Variants in SAXO1 observed in about 807,000 individuals in gnomAD.
SAXO1 encodes the protein 4930500O09Rik.
In SAXO1, 21 loss-of-function variants were observed where a neutral mutation model predicts 17.5. The ratio of observed to expected loss-of-function variants is 1.20; its 90% CI spans 0.85 to 1.72. The LOEUF (loss-of-function observed/expected upper bound fraction) is 1.72, where lower values mean the gene tolerates loss of function less well. Ranked by LOEUF, SAXO1 falls within the 40% of genes most tolerant of loss-of-function variation. The pLI is 0.00. For synonymous variants in SAXO1, 274 were observed against 216.5 expected (o/e 1.27, Z -2.33); for missense variants, 843 against 596.0 (o/e 1.41, Z -4.32).
At chr9:19,003,655 A>G (rs956035791) in intron 1 of SAXO1, among the ~76,000 whole-genome samples, 4 of 152,210 alleles carry the variant, frequency 2.6e-5, no homozygotes, top group African/African-American at 9.6e-5. Context: ...AAGATTCCCT[A>G]TTTAATAAAT....
chr9:19,037,084 G>A (rs993461791), upstream of SAXO1, among the ~76,000 whole-genome samples: 2 of 152,184 alleles, frequency 1.3e-5, no homozygotes, highest in African/African-American at 4.8e-5. Flanking sequence ...GACTTGCATG[G>A]GGACTGTAAC....
At chr9:18,986,027 T>A (rs943882406) in intron 1 of SAXO1, among the ~76,000 whole-genome samples, 2 of 152,242 alleles carry the variant, frequency 1.3e-5, no homozygotes, top group African/African-American at 4.8e-5. Flanking sequence ...GGAATTTTTT[T>A]AAATATACTA....
In SAXO1 at chr9:18,941,823, GA is replaced by G; in HGVS notation, c.234del (p.His79ThrfsTer6). 6.2e-7 allele frequency: 1 copy of G among 1,614,190 alleles called. No homozygotes were observed. Among genetic ancestry groups the G allele is most frequent in the Non-Finnish European group, 8.5e-7 (1 of 1,180,032 alleles). Reference sequence around the variant, plus strand: ...TGGACCTTCACTGGTGCCACTTTGTGAGGCCCAAAATCTCTCCTGTAAGGAA... The same window carrying G: ...TGGACCTTCACTGGTGCCACTTTGTGGGCCCAAAATCTCTCCTGTAAGGAA... ...GLTTSRRDFG[P>X]HKVAPVKVHQ... On this transcript the variant is annotated frameshift_variant, in exon 3 of 4. Transcript: ENST00000380534. LOFTEE classifies it high-confidence loss of function.
chr9:18,988,761 T>C (rs1833692639), intron 1 of SAXO1, among the ~76,000 whole-genome samples: 1 of 152,180 alleles, frequency 6.6e-6, no homozygotes, highest in Admixed American at 6.5e-5. Context: ...AGTAACCACA[T>C]GTATGATTTA....
chr9:18,954,095 A>G (rs183585360), intron 1 of SAXO1, among the ~76,000 whole-genome samples: 1 of 152,280 alleles, frequency 6.6e-6, no homozygotes, highest in East Asian at 1.9e-4. Context: ...AGATGGATCC[A>G]TAGGCCGGGA....
chr9:18,955,520 T>C (rs1347175857), intron 1 of SAXO1, among the ~76,000 whole-genome samples: 3 of 152,218 alleles, frequency 2.0e-5, no homozygotes, highest in Non-Finnish European at 2.9e-5. Context: ...AAGTTTACTC[T>C]AAAAGTGTAG....
At chr9:18,942,456 A>G (rs1831609682) in intron 2 of SAXO1, among the ~76,000 whole-genome samples, 3 of 152,174 alleles carry the variant, frequency 2.0e-5, no homozygotes, top group Admixed American at 6.5e-5. Flanking sequence ...CTGCGGAGGT[A>G]TCTTCCTTTC....
At chr9:19,007,225 T>C (rs1834520052) in intron 1 of SAXO1, among the ~76,000 whole-genome samples, 1 of 151,384 alleles carries the variant, frequency 6.6e-6, no homozygotes, top group Non-Finnish European at 1.5e-5. Context: ...TGCACGCCTG[T>C]AGTCCCAGCT....
At chr9:19,048,962 A>C (rs1836286238) in intron 1 of SAXO1, among the ~76,000 whole-genome samples, 1 of 152,246 alleles carries the variant, frequency 6.6e-6, no homozygotes, top group Non-Finnish European at 1.5e-5. Flanking sequence ...TCGCTTGCCT[A>C]CAAGTCTCAC....
At chr9:18,966,325 G>C (rs1271151107) in intron 1 of SAXO1, among the ~76,000 whole-genome samples, 2 of 152,200 alleles carry the variant, frequency 1.3e-5, no homozygotes, top group Admixed American at 6.5e-5. Flanking sequence ...ATTATATCCT[G>C]AAAAGTGTTT....
At chr9:18,929,714 G>A (rs1407585928) in intron 3 of SAXO1, among the ~76,000 whole-genome samples, 1 of 152,188 alleles carries the variant, frequency 6.6e-6, no homozygotes, top group Non-Finnish European at 1.5e-5. Flanking sequence ...TCTTCAGACT[G>A]TCCTAATAAG....
chr9:18,957,967 T>G (rs1327238506), intron 1 of SAXO1, among the ~76,000 whole-genome samples: 2 of 152,194 alleles, frequency 1.3e-5, no homozygotes, highest in African/African-American at 4.8e-5. Context: ...ATAACAACTT[T>G]TGGACATAGA....
chr9:18,966,488 T>G (rs1053010492), intron 1 of SAXO1, among the ~76,000 whole-genome samples: 1 of 152,210 alleles, frequency 6.6e-6, no homozygotes, highest in Non-Finnish European at 1.5e-5. Flanking sequence ...TTTCATTAAG[T>G]TGATCTTCAA....
chr9:18,950,729 C>A lies in SAXO1; in HGVS notation c.218+29G>T, dbSNP rs1390992244. On this transcript the variant is annotated intron_variant, in intron 2 of 3. Coordinates refer to ENST00000380534, the MANE Select transcript of SAXO1 (RefSeq NM_153707.4). Reference sequence around the variant, plus strand: ...GTTACTCCATTAGTGTTGTATGTACCTGCATACATTAATACTGTTTGCCCT... The same window carrying A: ...GTTACTCCATTAGTGTTGTATGTACATGCATACATTAATACTGTTTGCCCT... 3 of 1,584,228 alleles carry A rather than the reference C, an allele frequency of 1.9e-6. No individual in the cohort carries two copies. In the South Asian group the frequency reaches 3.4e-5, roughly 18 times the overall value.
intron 1 of SAXO1, among the ~76,000 whole-genome samples, chr9:19,005,556 A>G (rs1834449783): frequency 6.6e-6 from 1 of 152,208 alleles, no homozygotes; most frequent in African/African-American, 2.4e-5. Flanking sequence ...CAAATGGCAC[A>G]GGAAAAGTTG....
intron 1 of SAXO1, among the ~76,000 whole-genome samples, chr9:19,014,430 C>T (rs1834882006): frequency 2.3e-5 from 3 of 129,044 alleles, no homozygotes; most frequent in Non-Finnish European, 4.8e-5. Flanking sequence ...CACTGCACTC[C>T]AGCCTGGGCA....
intron 1 of SAXO1, among the ~76,000 whole-genome samples, chr9:18,976,699 T>C (rs73645552): frequency 0.025 from 3,847 of 152,328 alleles, 155 homozygotes; most frequent in African/African-American, 0.085. Context: ...TCCTGAGTCT[T>C]GTGGTTGTAA....
chr9:18,933,426 T>G (rs531613113), intron 3 of SAXO1, among the ~76,000 whole-genome samples: 1 of 152,274 alleles, frequency 6.6e-6, no homozygotes, highest in African/African-American at 2.4e-5. Context: ...AATATCTTTT[T>G]AATGATTTAA....
intron 1 of SAXO1, among the ~76,000 whole-genome samples, chr9:18,987,375 G>A (rs1350562509): frequency 4.6e-5 from 7 of 152,272 alleles, no homozygotes; most frequent in East Asian, 1.9e-4. Context: ...GGGAGCCTTC[G>A]ATTTTTCATG....
Sources: gnomAD v4.1 joint callset for allele counts (sites outside exome capture counted in the v4.1 genomes callset) on GRCh38, gnomAD v4.1.1 for gene constraint, MANE v1.5 for transcripts, NCBI Gene and HGNC (gene_info 2026-07-23, HGNC 2026-07-21) for gene names.